CNTN4: variants seen among roughly 807,000 people sequenced by gnomAD.
The protein encoded by CNTN4 is contactin-4.
Under a neutral mutation model 122.5 loss-of-function variants are expected in CNTN4, and 77 were observed. The ratio of observed to expected loss-of-function variants is 0.63; its 90% CI spans 0.52 to 0.76. CNTN4 has a LOEUF of 0.76. Ranked by LOEUF, CNTN4 falls within the 30% of genes least tolerant of loss-of-function variation. CNTN4 has a pLI of 0.00. For synonymous variants in CNTN4, 512 were observed against 447.0 expected (o/e 1.15, Z -1.83); for missense variants, 1,256 against 1,259.1 (o/e 1.00, Z 0.04).
intron 3 of CNTN4, among the ~76,000 whole-genome samples, chr3:2,406,069 G>A (rs1025646694): frequency 7.3e-5 from 11 of 151,712 alleles, no homozygotes; most frequent in African/African-American, 2.4e-4. Flanking sequence ...AAAAAACTAT[G>A]GTAATAATTG....
chr3:2,191,496 C>T (rs1234048880), intron 2 of CNTN4, among the ~76,000 whole-genome samples: 1 of 152,068 alleles, frequency 6.6e-6, no homozygotes, highest in Non-Finnish European at 1.5e-5. Context: ...CCAGAGACCT[C>T]TCAAACCTCC....
At chr3:2,448,338 C>T (rs1247405702) in intron 3 of CNTN4, among the ~76,000 whole-genome samples, 1 of 152,094 alleles carries the variant, frequency 6.6e-6, no homozygotes, top group African/African-American at 2.4e-5. Context: ...GTATATTCAC[C>T]TCTCAAGAAG....
intron 2 of CNTN4, among the ~76,000 whole-genome samples, chr3:2,142,482 G>C (rs1294883997): frequency 6.6e-6 from 1 of 151,820 alleles, no homozygotes; most frequent in Admixed American, 6.6e-5. Context: ...TCCTGCCTCA[G>C]CCTCCCCAAT....
intron 2 of CNTN4, among the ~76,000 whole-genome samples, chr3:2,131,778 CTT>C (rs2034461882): frequency 6.6e-6 from 1 of 152,154 alleles, no homozygotes; most frequent in African/African-American, 2.4e-5. Flanking sequence ...AAACAGTTAA[CTT>C]ATCATCTTGA....
chr3:2,883,290 G>T, intron 9 of CNTN4, 43 bp downstream of exon 9: 1 of 1,448,366 alleles, frequency 6.9e-7, no homozygotes, highest in South Asian at 1.2e-5. Context: ...CCTTCAGCTT[G>T]AGCAGGTATA....
chr3:2,950,074 A>G (rs977542543), intron 13 of CNTN4, among the ~76,000 whole-genome samples: 1 of 152,222 alleles, frequency 6.6e-6, no homozygotes, highest in Non-Finnish European at 1.5e-5. Context: ...CTGCTTACCC[A>G]CCTGATTAAG....
chr3:2,264,650 A>AT (rs945263325), intron 2 of CNTN4, among the ~76,000 whole-genome samples: 19 of 151,650 alleles, frequency 1.3e-4, no homozygotes, highest in African/African-American at 2.9e-4. Flanking sequence ...GTCTATTGTT[A>AT]TTTTTTTTGT....
intron 3 of CNTN4, among the ~76,000 whole-genome samples, chr3:2,501,059 G>GT (rs2149000612): frequency 6.6e-6 from 1 of 152,192 alleles, no homozygotes; most frequent in African/African-American, 2.4e-5. Context: ...TTGCATGCCA[G>GT]TTAATACTTG....
intron 2 of CNTN4, among the ~76,000 whole-genome samples, chr3:2,313,226 T>C (rs1365907327): frequency 6.6e-6 from 1 of 151,972 alleles, no homozygotes; most frequent in Admixed American, 6.6e-5. Context: ...TTAAACGTCT[T>C]GTACAGAAAA....
At chr3:2,588,822 G>A (rs981124166) in intron 4 of CNTN4, among the ~76,000 whole-genome samples, 1 of 146,250 alleles carries the variant, frequency 6.8e-6, no homozygotes, top group African/African-American at 2.5e-5. Flanking sequence ...ATGCTGTAAT[G>A]CCCCAATGTA....
rs1300677106 is a variant in CNTN4, at chr3:2,914,123, C to T, written c.1207+11118C>T. ...CAGGAGACAAATGGAAATGAAAATA[C>T]AACATACCAAAACTTACGGATGCAG... On this transcript the variant is annotated intron_variant, in intron 12 of 24. Transcript: ENST00000418658. Among the ~76,000 whole-genome samples, 13 of 152,030 alleles carry T rather than the reference C, an allele frequency of 8.6e-5. No homozygotes were observed. In the East Asian group the frequency reaches 2.3e-3, roughly 27 times the overall value.
chr3:2,786,761 T>G (rs1436884017), intron 6 of CNTN4, among the ~76,000 whole-genome samples: 1 of 152,178 alleles, frequency 6.6e-6, no homozygotes, highest in East Asian at 1.9e-4. Flanking sequence ...TTGCTCATGA[T>G]TTTCTGTATT....
At chr3:2,629,703 A>G (rs1576282320) in intron 4 of CNTN4, 1 of 323,126 alleles carries the variant, frequency 3.1e-6, no homozygotes, top group African/African-American at 2.2e-5. Flanking sequence ...AGCTTTTGTC[A>G]TAATCAAAAT....
chr3:2,451,283 A>G (rs1258212555), intron 3 of CNTN4, among the ~76,000 whole-genome samples: 1 of 152,038 alleles, frequency 6.6e-6, no homozygotes, highest in Non-Finnish European at 1.5e-5. Flanking sequence ...CATTACTAGC[A>G]CTCTAAAATT....
intron 3 of CNTN4, among the ~76,000 whole-genome samples, chr3:2,476,005 A>G (rs1389506117): frequency 6.6e-6 from 1 of 152,216 alleles, no homozygotes; most frequent in Non-Finnish European, 1.5e-5. Flanking sequence ...TACTTGCCAA[A>G]TGCTCACAAA....
intron 4 of CNTN4, among the ~76,000 whole-genome samples, chr3:2,592,129 C>T (rs1016237317): frequency 6.6e-6 from 1 of 152,118 alleles, no homozygotes; most frequent in Non-Finnish European, 1.5e-5. Flanking sequence ...AGTCCTCCCT[C>T]CCCAGCCTCT....
At chr3:2,191,621 T>C (rs1228799346) in intron 2 of CNTN4, among the ~76,000 whole-genome samples, 7 of 152,024 alleles carry the variant, frequency 4.6e-5, no homozygotes, top group Non-Finnish European at 1.0e-4. Flanking sequence ...ATTCAGGTCT[T>C]CCAAGTTCAG....
chr3:2,341,511 T>G (rs2044209524), intron 3 of CNTN4, among the ~76,000 whole-genome samples: 2 of 152,328 alleles, frequency 1.3e-5, no homozygotes, highest in Middle Eastern at 6.8e-3. Context: ...CTCTTAAAAT[T>G]TAAGTTGTTG....
At chr3:2,941,019 G>C (rs945547612) in intron 13 of CNTN4, among the ~76,000 whole-genome samples, 1 of 152,192 alleles carries the variant, frequency 6.6e-6, no homozygotes. Flanking sequence ...GCATAAAATT[G>C]TTATAGAAAA....
Sources: allele counts gnomAD v4.1 joint callset (sites outside exome capture counted in the v4.1 genomes callset), GRCh38; gene constraint gnomAD v4.1.1; transcripts MANE v1.5; gene names NCBI Gene and HGNC (gene_info 2026-07-23, HGNC 2026-07-21).